ART3: variants seen among roughly 807,000 people sequenced by gnomAD.
ART3 encodes ecto-ADP-ribosyltransferase 3.
Under a neutral mutation model 48.5 loss-of-function variants are expected in ART3, and 49 were observed. That is an observed-to-expected ratio of 1.01 (90% confidence interval 0.80 to 1.28). The LOEUF (loss-of-function observed/expected upper bound fraction) is 1.28. ART3 is among the 50% of genes most tolerant of loss of function. The pLI is 0.00. For missense variants in ART3, 438 were observed against 454.3 expected, an observed-to-expected ratio of 0.96 and a Z score of 0.33; for synonymous variants, 145 against 157.2, an observed-to-expected ratio of 0.92 and a Z score of 0.58.
intron 1 of ART3, among the ~76,000 whole-genome samples, chr4:76,057,150 G>A (rs184379800): frequency 6.6e-6 from 1 of 152,188 alleles, no homozygotes; most frequent in Admixed American, 6.5e-5. Context: ...TTGTATCAGG[G>A]TTCATAATAT....
At chr4:76,087,864 A>G (rs1057155315) in intron 3 of ART3, among the ~76,000 whole-genome samples, 7 of 152,156 alleles carry the variant, frequency 4.6e-5, no homozygotes, top group Non-Finnish European at 8.8e-5. Flanking sequence ...CTTTTATGCT[A>G]TTTTTCTAGA....
upstream of ART3, among the ~76,000 whole-genome samples, chr4:76,071,570 A>G (rs941568222): frequency 1.8e-4 from 28 of 152,146 alleles, no homozygotes; most frequent in Admixed American, 1.4e-3. Flanking sequence ...CCACTCTTCT[A>G]TCAGACCTGC....
At chr4:76,038,814 C>G (rs4859600) in intron 1 of ART3, among the ~76,000 whole-genome samples, 92,817 of 151,750 alleles carry the variant, frequency 0.61, 29,447 homozygotes, top group East Asian at 0.94. Context: ...CCTCTGCCTC[C>G]TGGATTCAAG....
At chr4:76,016,420 T>G (rs1231776752) in intron 1 of ART3, among the ~76,000 whole-genome samples, 1 of 152,182 alleles carries the variant, frequency 6.6e-6, no homozygotes, top group Non-Finnish European at 1.5e-5. Flanking sequence ...CCTAAACAAA[T>G]GAAGTCTCTC....
chr4:76,095,329 G>A (rs1725756018), intron 3 of ART3, among the ~76,000 whole-genome samples: 1 of 152,072 alleles, frequency 6.6e-6, no homozygotes, highest in African/African-American at 2.4e-5. Flanking sequence ...CCAACATGGT[G>A]AAACCCTGCC....
intron 1 of ART3, among the ~76,000 whole-genome samples, chr4:76,067,024 T>C (rs997533770): frequency 3.0e-4 from 45 of 152,270 alleles, no homozygotes; most frequent in African/African-American, 9.6e-5. Flanking sequence ...GGCTCCTGCC[T>C]GCTCTGTGGA....
At chr4:76,074,634 C>A (rs28601861), upstream of ART3, 31,359 of 151,998 alleles carry the variant, frequency 0.21, 5,507 homozygotes, top group African/African-American at 0.48. Flanking sequence ...AATAGCAGAA[C>A]ACAAGTAGCG....
At chr4:76,103,892 T>C in intron 8 of ART3, 45 bp from the exon 9 acceptor site, 3 of 1,565,302 alleles carry the variant, frequency 1.9e-6, no homozygotes, top group Non-Finnish European at 8.8e-7. Flanking sequence ...ATTAACAGTA[T>C]AAGATAACTG....
intron 1 of ART3, among the ~76,000 whole-genome samples, chr4:76,038,756 T>C (rs899104020): frequency 6.6e-6 from 1 of 152,110 alleles, no homozygotes; most frequent in African/African-American, 2.4e-5. Flanking sequence ...GGATTCTTGC[T>C]CTGTAGCCCA....
chr4:76,071,691 C>T (rs535775239), upstream of ART3, among the ~76,000 whole-genome samples: 1 of 152,310 alleles, frequency 6.6e-6, no homozygotes, highest in South Asian at 2.1e-4. Flanking sequence ...TCTTTCCTTT[C>T]TTTTGTAAGT....
intron 1 of ART3, chr4:76,022,534 C>T: frequency 2.7e-6 from 4 of 1,506,082 alleles, no homozygotes; most frequent in Non-Finnish European, 2.7e-6. Context: ...GTTCTGAAGT[C>T]AGACATTTAA....
Position 76,090,731 on chromosome 4 carries a change from T to C in ART3, c.782-6913T>C, listed in dbSNP as rs72869121. ...CATCCTCATAATTAAGAAAAAAAAATTTAATAGCTTTACTGAGTTATAATT... is the reference window on the plus strand; with the variant it reads ...CATCCTCATAATTAAGAAAAAAAAACTTAATAGCTTTACTGAGTTATAATT... On this transcript the variant is annotated intron_variant, in intron 3 of 11. Transcript: ENST00000355810. Among the ~76,000 whole-genome samples the C allele has an allele frequency of 4.5e-3, 679 of 152,182 alleles. 7 individuals are homozygous for C. Among genetic ancestry groups the C allele is most frequent in the African/African-American group, 0.016 (662 of 41,540 alleles).
At chr4:76,013,375 C>CT (rs1451305429) in intron 1 of ART3, among the ~76,000 whole-genome samples, 3 of 152,042 alleles carry the variant, frequency 2.0e-5, no homozygotes, top group Non-Finnish European at 4.4e-5. Context: ...TTGTGAATCT[C>CT]TATGTGGGGA....
At chr4:76,021,633 G>A (rs987709095) in intron 1 of ART3, 4 of 366,254 alleles carry the variant, frequency 1.1e-5, no homozygotes, top group African/African-American at 8.3e-5. Flanking sequence ...TGGGAAAGGT[G>A]AGGGAAATAT....
rs28756013 is a variant in ART3 at position 76,085,486 on chromosome 4, G to C, written c.781+2951G>C. ...CCTGCACTTGTATATTCCTGAGAGT[G>C]CCTCCTTAAATTTTCTCTAGGCACC... On this transcript the variant is annotated intron_variant, in intron 3 of 11. Coordinates refer to ENST00000355810, the MANE Select transcript of ART3 (RefSeq NM_001130016.3). Among the ~76,000 whole-genome samples, 284 of 152,260 alleles carry C rather than the reference G, an allele frequency of 1.9e-3. 1 individual carries two copies. The highest frequency in any genetic ancestry group is 6.5e-3 in the African/African-American group (270 of 41,540).
intron 11 of ART3, among the ~76,000 whole-genome samples, chr4:76,108,491 A>G (rs1728881298): frequency 6.6e-6 from 1 of 152,048 alleles, no homozygotes; most frequent in Admixed American, 6.6e-5. Flanking sequence ...TCAATTTTTC[A>G]TGGTCCAGAA....
chr4:76,037,104 T>G (rs1734494445), intron 1 of ART3: 1 of 155,282 alleles, frequency 6.4e-6, no homozygotes, highest in African/African-American at 2.4e-5. Context: ...GGAAAGCTAC[T>G]TTATATATAT....
At chr4:76,069,393 T>TTTTG (rs1720085598) in intron 1 of ART3, among the ~76,000 whole-genome samples, 1 of 138,562 alleles carries the variant, frequency 7.2e-6, no homozygotes, top group African/African-American at 2.6e-5. Flanking sequence ...TTCCTTTTTT[T>TTTTG]TTTTTTTTTT....
chr4:76,013,222 G>A (rs1286074894), intron 1 of ART3, among the ~76,000 whole-genome samples: 1 of 152,166 alleles, frequency 6.6e-6, no homozygotes, highest in Non-Finnish European at 1.5e-5. Context: ...AGAAGTTGGG[G>A]GAATATTCTA....
Sources: gnomAD v4.1 joint callset for allele counts (sites outside exome capture counted in the v4.1 genomes callset) on GRCh38, gnomAD v4.1.1 for gene constraint, MANE v1.5 for transcripts, NCBI Gene and HGNC (gene_info 2026-07-23, HGNC 2026-07-21) for gene names.